The following TRPS1 variants were observed in gnomAD, a reference collection of about 807,000 sequenced individuals.
TRPS1 encodes the protein zinc finger transcription factor Trps1.
A neutral mutation model predicts 101.2 loss-of-function variants in TRPS1; 6 were observed. That is an observed-to-expected ratio of 0.06 (90% confidence interval 0.03 to 0.12). The LOEUF (loss-of-function observed/expected upper bound fraction) is 0.12, where lower values mean the gene tolerates loss of function less well. Ranked by LOEUF, TRPS1 falls within the 10% of genes least tolerant of loss-of-function variation. The pLI is 1.00. For missense variants in TRPS1, 1,363 were observed against 1,567.0 expected, an observed-to-expected ratio of 0.87 and a Z score of 2.20; for synonymous variants, 578 against 589.8, an observed-to-expected ratio of 0.98 and a Z score of 0.29.
At chr8:115,590,680 A>G (rs1423784837) in intron 4 of TRPS1, among the ~76,000 whole-genome samples, 1 of 152,224 alleles carries the variant, frequency 6.6e-6, no homozygotes, top group Non-Finnish European at 1.5e-5. Flanking sequence ...TTAAGCTTCA[A>G]ACTTTGGCTC....
chr8:115,517,186 T>C lies in TRPS1; in HGVS notation c.2700+69815A>G, dbSNP rs367994700. On this transcript the variant is annotated intron_variant, in intron 5 of 6. Transcript: ENST00000395715. ...CTCTATCTTTCCATAATCTTCAAAG[T>C]GGAATTGCCAATCTGTACTCATTGA... is the stretch of plus-strand genomic sequence containing the variant. Among the ~76,000 whole-genome samples the C allele has an allele frequency of 4.3e-4, 65 of 151,814 alleles. 1 individual carries two copies. Among genetic ancestry groups the C allele is most frequent in the African/African-American group, 1.5e-3 (64 of 41,502 alleles).
At chr8:115,450,681 C>T (rs2129924929) in intron 5 of TRPS1, among the ~76,000 whole-genome samples, 1 of 152,180 alleles carries the variant, frequency 6.6e-6, no homozygotes, top group South Asian at 2.1e-4. Flanking sequence ...TCATGTGACA[C>T]CCATACATCC....
chr8:115,637,514 G>C (rs553897719), intron 1 of TRPS1, among the ~76,000 whole-genome samples: 5 of 152,146 alleles, frequency 3.3e-5, no homozygotes, highest in Non-Finnish European at 7.4e-5. Flanking sequence ...AAGATGGGGT[G>C]ACTGGTATAC....
intron 5 of TRPS1, among the ~76,000 whole-genome samples, chr8:115,532,401 A>G (rs1816158717): frequency 6.6e-6 from 1 of 152,174 alleles, no homozygotes; most frequent in Non-Finnish European, 1.5e-5. Flanking sequence ...ATACTGGCTG[A>G]GGGATTATTT....
intron 1 of TRPS1, among the ~76,000 whole-genome samples, chr8:115,625,675 A>G (rs1009873447): frequency 2.6e-5 from 4 of 151,926 alleles, no homozygotes; most frequent in African/African-American, 9.7e-5. Flanking sequence ...GACTATAAGG[A>G]ACTCCTCAAG....
chr8:115,549,574 T>C (rs1563595275), intron 5 of TRPS1, among the ~76,000 whole-genome samples: 1 of 151,982 alleles, frequency 6.6e-6, no homozygotes, highest in Non-Finnish European at 1.5e-5. Flanking sequence ...AAAGGCTATC[T>C]ATATTCCTTG....
chr8:115,436,847 G>A (rs915264821), intron 5 of TRPS1, among the ~76,000 whole-genome samples: 3 of 151,942 alleles, frequency 2.0e-5, no homozygotes, highest in Admixed American at 6.6e-5. Context: ...AGCTTCACCT[G>A]AACTAGATGA....
chr8:115,442,048 G>C (rs912462542), intron 5 of TRPS1, among the ~76,000 whole-genome samples: 2 of 151,880 alleles, frequency 1.3e-5, no homozygotes, highest in Admixed American at 1.3e-4. Flanking sequence ...CAAATACAGG[G>C]GTTTCTCACC....
chr8:115,433,451 A>T (rs1813371984), intron 5 of TRPS1, among the ~76,000 whole-genome samples: 1 of 152,072 alleles, frequency 6.6e-6, no homozygotes, highest in Admixed American at 6.6e-5. Flanking sequence ...ATTTAGTTTG[A>T]TTTAATCTGA....
chr8:115,423,914 C>T (rs1483976601), intron 5 of TRPS1, among the ~76,000 whole-genome samples: 2 of 151,738 alleles, frequency 1.3e-5, no homozygotes, highest in South Asian at 4.2e-4. Flanking sequence ...TTAAGGTTTC[C>T]AAATCTCCAA....
intron 5 of TRPS1, among the ~76,000 whole-genome samples, chr8:115,478,177 C>T (rs1415097755): frequency 6.6e-6 from 1 of 152,196 alleles, no homozygotes; most frequent in African/African-American, 2.4e-5. Context: ...TCAAAGTACT[C>T]ACTAGCCTAC....
intron 5 of TRPS1, among the ~76,000 whole-genome samples, chr8:115,493,591 C>T (rs921351221): frequency 2.6e-5 from 4 of 151,806 alleles, no homozygotes; most frequent in Non-Finnish European, 5.9e-5. Context: ...TCAAGTGATC[C>T]ACCCGCCTCA....
At chr8:115,657,775 T>C (rs980205096) in intron 1 of TRPS1, among the ~76,000 whole-genome samples, 2 of 152,122 alleles carry the variant, frequency 1.3e-5, no homozygotes, top group Non-Finnish European at 2.9e-5. Flanking sequence ...TACAACTTTA[T>C]TTAATTCCAT....
At chr8:115,599,804 T>C (rs1189529976) in intron 4 of TRPS1, among the ~76,000 whole-genome samples, 1 of 152,182 alleles carries the variant, frequency 6.6e-6, no homozygotes, top group Admixed American at 6.5e-5. Flanking sequence ...TAAACATACA[T>C]GTGCATGTGT....
At chr8:115,425,719 T>C (rs1004051470) in intron 5 of TRPS1, among the ~76,000 whole-genome samples, 1 of 152,206 alleles carries the variant, frequency 6.6e-6, no homozygotes, top group Non-Finnish European at 1.5e-5. Context: ...TACAGATTCT[T>C]TACATCTCAA....
At chr8:115,540,293 T>C (rs1233078289) in intron 5 of TRPS1, among the ~76,000 whole-genome samples, 1 of 152,202 alleles carries the variant, frequency 6.6e-6, no homozygotes, top group Non-Finnish European at 1.5e-5. Flanking sequence ...TAGTAAGACA[T>C]TGGTAAATAT....
At position 115,604,983 on chromosome 8, in the gene TRPS1, A is replaced by C. The variant is rs376267951; in HGVS notation, c.986T>G (p.Phe329Cys). ...TGGTGTTTTCCGTCCAATGCCAATG[A>C]ATGTTCCACCTGAAGTCACCTGGAG... ...YDVQVTSGGT[F>C]IGIGRKTPDC... The change falls in exon 4 of 7, where the codon TTC (phenylalanine) becomes TGC (cysteine). Residue 329 changes from phenylalanine (F) to cysteine (C), a missense_variant. Phe to Cys is a radical substitution (Grantham distance 205, BLOSUM62 -2). Around this residue, in one of 5 missense-constraint regions of TRPS1, gnomAD observed 1,020 missense variants for 1,073.0 expected, o/e 0.95. Coordinates refer to ENST00000395715, the MANE Select transcript of TRPS1 (RefSeq NM_014112.5). This position sits in a 1 kb window ranked among gnomAD's most constrained non-coding sequence, Gnocchi z 4.1. 1 of 1,613,694 alleles carries C rather than the reference A, an allele frequency of 6.2e-7. No homozygotes were observed. Among genetic ancestry groups the C allele is most frequent in the Non-Finnish European group, 8.5e-7 (1 of 1,179,920 alleles).
At chr8:115,425,249 T>G (rs1813160238) in intron 5 of TRPS1, among the ~76,000 whole-genome samples, 1 of 152,242 alleles carries the variant, frequency 6.6e-6, no homozygotes, top group African/African-American at 2.4e-5. Flanking sequence ...CTGCATGTCT[T>G]TGCCTGCTTT....
At chr8:115,492,071 G>A (rs1815037217) in intron 5 of TRPS1, 1 of 418,248 alleles carries the variant, frequency 2.4e-6, no homozygotes, top group Non-Finnish European at 4.8e-6. Context: ...TCTAATACAT[G>A]TTTAAAATTT....
Sources: gnomAD v4.1 joint callset for allele counts (sites outside exome capture counted in the v4.1 genomes callset) on GRCh38, gnomAD v4.1.1 for gene constraint, gnomAD v4.1.1 regional missense constraint, Gnocchi (gnomAD v3.1) non-coding constraint, MANE v1.5 for transcripts, NCBI Gene and HGNC (gene_info 2026-07-23, HGNC 2026-07-21) for gene names.